EPDR1: variants seen among roughly 807,000 people sequenced by gnomAD.
The protein encoded by EPDR1 is ependymin related 1.
EPDR1 carries 27 observed loss-of-function variants against 23.7 expected under a neutral mutation model. The observed-to-expected ratio is 1.14, with a 90% confidence interval of 0.84 to 1.57. The LOEUF (loss-of-function observed/expected upper bound fraction) is 1.57. Ranked by LOEUF, EPDR1 falls within the 40% of genes most tolerant of loss-of-function variation. The probability of loss-of-function intolerance (pLI) is 0.00; values close to 1 mark genes in which losing one functional copy is unlikely to be tolerated. For missense variants in EPDR1, 349 were observed against 290.4 expected (o/e 1.20, Z -1.47); for synonymous variants, 137 against 118.2 (o/e 1.16, Z -1.03).
In EPDR1 at chr7:37,920,662, GGCA is replaced by G; in HGVS notation, c.-276_-274del. On this transcript the variant is annotated 5_prime_UTR_variant, in exon 1 of 3. Transcript: ENST00000199448. ...AGCAGTGAAAACCGAAGCGGCAGAA[GGCA>G]GTGGCAGCAGGCAGTGGCAGCAGGC... is the stretch of plus-strand genomic sequence containing the variant. 2.7e-6 allele frequency: 2 copies of G among 740,098 alleles called. No homozygotes were observed. The highest frequency in any genetic ancestry group is 3.3e-5 in the South Asian group (2 of 61,176). 45.8% of individuals were successfully genotyped at this position (740,098 alleles called of 1,614,324 possible).
chr7:37,939,200 C>T (rs4540323), intron 1 of EPDR1, among the ~76,000 whole-genome samples: 36,383 of 151,832 alleles, frequency 0.24, 4,595 homozygotes, highest in East Asian at 0.3. Context: ...AGGATGGTCT[C>T]GATCTCCTGA....
intron 1 of EPDR1, among the ~76,000 whole-genome samples, chr7:37,947,015 T>A (rs1786289886): frequency 6.6e-6 from 1 of 152,174 alleles, no homozygotes; most frequent in South Asian, 2.1e-4. Flanking sequence ...ATAAATTTAG[T>A]GTAGCCTAAG....
At chr7:37,939,549 G>T (rs1786128629) in intron 1 of EPDR1, among the ~76,000 whole-genome samples, 1 of 152,036 alleles carries the variant, frequency 6.6e-6, no homozygotes. Context: ...TACCCAAACT[G>T]ATGTCTTATT....
At chr7:37,925,463 C>T in intron 1 of EPDR1, among the ~76,000 whole-genome samples, 1 of 152,214 alleles carries the variant, frequency 6.6e-6, no homozygotes, top group East Asian at 1.9e-4. Context: ...ACAAATGGGG[C>T]AGCAGGTGGA....
intron 1 of EPDR1, among the ~76,000 whole-genome samples, chr7:37,946,238 G>T (rs538440722): frequency 6.6e-6 from 1 of 152,168 alleles, no homozygotes; most frequent in Non-Finnish European, 1.5e-5. Flanking sequence ...ATTCCTTGGG[G>T]TATATACACA....
rs1254715280 is a variant in EPDR1, at chr7:37,950,207, C to G, written c.486C>G (p.Thr162=). ...ACTTTTTTCCTCTTATAGATGAAAC[C>G]TGGATTGGCATCTATACAGTCAAGG... The part of the protein sequence containing the change: ...SDRKSARSYE[T]WIGIYTVKDC... Residue 162 remains threonine, a synonymous_variant, in exon 3 of 3, where the codon ACC becomes ACG. Coordinates refer to ENST00000199448, the MANE Select transcript of EPDR1 (RefSeq NM_017549.5). The G allele has an allele frequency of 3.1e-6, 5 of 1,594,718 alleles. No homozygotes were observed. Among genetic ancestry groups the G allele is most frequent in the Admixed American group, 1.7e-5 (1 of 58,768 alleles).
chr7:37,937,721 A>T (rs953132169), intron 1 of EPDR1, among the ~76,000 whole-genome samples: 22 of 152,160 alleles, frequency 1.4e-4, no homozygotes, highest in African/African-American at 4.6e-4. Flanking sequence ...TGTTCACCTA[A>T]AAAGTTTCTC....
chr7:37,931,483 C>T (rs1388421274), intron 1 of EPDR1, among the ~76,000 whole-genome samples: 1 of 151,680 alleles, frequency 6.6e-6, no homozygotes, highest in Admixed American at 6.6e-5. Context: ...CACTGCACTT[C>T]AGCCTGGGTG....
At position 37,950,326 on chromosome 7, in the gene EPDR1, C is replaced by G; in HGVS notation, c.605C>G (p.Ser202Trp). The change falls in exon 3 of 3, where the codon TCG (serine) becomes TGG (tryptophan). Residue 202 changes from serine (S) to tryptophan (W), a missense_variant. Physicochemically the swap from Ser to Trp is radical, Grantham distance 177 (BLOSUM62 -3). Transcript: ENST00000199448. ...ATCCAGCTGGGTATTAAAGACCCCT[C>G]GGTGTTTACCCCTCCAAGCACGTGC... The part of the protein sequence containing the change: ...FDIQLGIKDP[S>W]VFTPPSTCQM... The G allele has an allele frequency of 6.2e-7, 1 of 1,613,850 alleles. No homozygotes were observed. Among genetic ancestry groups the G allele is most frequent in the Non-Finnish European group, 8.5e-7 (1 of 1,179,912 alleles).
intron 1 of EPDR1, among the ~76,000 whole-genome samples, chr7:37,922,426 A>G (rs116144086): frequency 0.015 from 2,242 of 152,314 alleles, 47 homozygotes; most frequent in African/African-American, 0.051. Flanking sequence ...TTTCAAGAAC[A>G]TGAATGTTTT....
chr7:37,940,821 T>A (rs1365999817), intron 1 of EPDR1, among the ~76,000 whole-genome samples: 1 of 152,086 alleles, frequency 6.6e-6, no homozygotes, highest in Non-Finnish European at 1.5e-5. Flanking sequence ...TTGGAAGCTC[T>A]GACCACTTGA....
intron 1 of EPDR1, among the ~76,000 whole-genome samples, chr7:37,936,903 A>T (rs1400630675): frequency 6.6e-6 from 1 of 152,176 alleles, no homozygotes; most frequent in Non-Finnish European, 1.5e-5. Flanking sequence ...TATTTTAGCT[A>T]AGTTGATGCT....
chr7:37,946,854 AG>A (rs59603513), intron 1 of EPDR1, among the ~76,000 whole-genome samples: 28,430 of 152,146 alleles, frequency 0.19, 3,225 homozygotes, highest in Non-Finnish European at 0.24. Flanking sequence ...AAGGACATAA[AG>A]AAAATATTTT....
At chr7:37,948,795 T>G in intron 1 of EPDR1, 45 bp from the exon 2 acceptor site, 1 of 1,511,912 alleles carries the variant, frequency 6.6e-7, no homozygotes, top group Non-Finnish European at 9.2e-7. Context: ...GGCACGAGGA[T>G]GGTAACATGA....
chr7:37,941,785 G>A (rs564407781), intron 1 of EPDR1, among the ~76,000 whole-genome samples: 6 of 152,098 alleles, frequency 3.9e-5, no homozygotes, highest in Non-Finnish European at 8.8e-5. Flanking sequence ...ATGTATTTGG[G>A]GGGCCACTTG....
intron 1 of EPDR1, among the ~76,000 whole-genome samples, chr7:37,931,193 T>C (rs1240573952): frequency 1.3e-5 from 2 of 152,208 alleles, no homozygotes; most frequent in Non-Finnish European, 2.9e-5. Context: ...TTTGCTTAAA[T>C]ATGTTTATGG....
intron 1 of EPDR1, among the ~76,000 whole-genome samples, 197 bp from the exon 2 acceptor site, chr7:37,948,643 C>G (rs544620574): frequency 2.0e-5 from 3 of 152,164 alleles, no homozygotes; most frequent in Admixed American, 2.0e-4. Flanking sequence ...CCATCATGCT[C>G]GGTCTGACCT....
chr7:37,938,904 G>T (rs116806125), intron 1 of EPDR1, among the ~76,000 whole-genome samples: 5,501 of 152,040 alleles, frequency 0.036, 329 homozygotes, highest in African/African-American at 0.12. Flanking sequence ...TATCTGTGGT[G>T]CTGGCTATTG....
At chr7:37,933,123 G>T (rs565159030) in intron 1 of EPDR1, among the ~76,000 whole-genome samples, 1 of 152,090 alleles carries the variant, frequency 6.6e-6, no homozygotes, top group African/African-American at 2.4e-5. Context: ...TCTTTTTTAT[G>T]TCTCATAATC....
Sources: gnomAD v4.1 joint callset for allele counts (sites outside exome capture counted in the v4.1 genomes callset) on GRCh38, gnomAD v4.1.1 for gene constraint, MANE v1.5 for transcripts, NCBI Gene and HGNC (gene_info 2026-07-23, HGNC 2026-07-21) for gene names.